The following ARHGEF11 variants were observed in gnomAD, a reference collection of about 807,000 sequenced individuals.
ARHGEF11 encodes the protein Rho guanine exchange factor (GEF) 11.
In ARHGEF11, 55 loss-of-function variants were observed where a neutral mutation model predicts 193.7. The observed-to-expected ratio is 0.28, with a 90% CI of 0.23 to 0.36. ARHGEF11 has a LOEUF of 0.36. Among genes scored for constraint, ARHGEF11 ranks in the 10% least tolerant of loss-of-function variants. ARHGEF11 has a pLI of 1.00. For synonymous variants in ARHGEF11, 693 were observed against 768.0 expected, an observed-to-expected ratio of 0.90 and a Z score of 1.62; for missense variants, 1,723 against 2,005.6, an observed-to-expected ratio of 0.86 and a Z score of 2.69.
In ARHGEF11 at chr1:156,961,608, T is replaced by C. The variant is rs1571259044; in HGVS notation, c.1239+69A>G. ...CTCTGTTTGGCCTGGATGTTTTGCT[T>C]AATTTTCCCTGCCTCTGAGTAGTTC... On this transcript the variant is annotated intron_variant, in intron 14 of 40. Coordinates refer to ENST00000368194, the MANE Select transcript of ARHGEF11 (RefSeq NM_198236.3). 6.3e-6 allele frequency: 9 copies of C among 1,424,018 alleles called. No homozygotes were observed. In the East Asian group the frequency reaches 2.1e-4, roughly 33 times the overall value. The allele number at this position is 1,424,018 out of a possible 1,614,324, so 88.2% of individuals were successfully genotyped here. A position where few individuals can be genotyped will look rare whatever the true frequency, so the allele number is the denominator to read the frequency against.
rs1658423055 is a variant in ARHGEF11, at chr1:156,947,813, G to A, written c.2297C>T (p.Ala766Val). Residue 766 changes from alanine to valine, a missense_variant, in exon 25 of 41, where the codon GCT (alanine) becomes GTT (valine). Coordinates refer to ENST00000368194, the MANE Select transcript of ARHGEF11 (RefSeq NM_198236.3). ...GTCAATCTCCCGCTGGGTTAGCCCA[G>A]CCACCACATCCTTGCCCACTGTATG... ...WQHTVGKDVV[A>V]GLTQREIDRQ... The A allele has an allele frequency of 3.1e-6, 5 of 1,613,750 alleles. No homozygotes were observed. The highest frequency in any genetic ancestry group is 1.3e-5 in the African/African-American group (1 of 74,930).
At chr1:156,991,157 G>T (rs938458280) in intron 1 of ARHGEF11, among the ~76,000 whole-genome samples, 2 of 152,188 alleles carry the variant, frequency 1.3e-5, no homozygotes, top group African/African-American at 4.8e-5. Context: ...TATTCAATAT[G>T]CAGAAAAGAT....
intron 1 of ARHGEF11, among the ~76,000 whole-genome samples, chr1:157,032,704 C>A (rs1013067799): frequency 6.6e-6 from 1 of 152,136 alleles, no homozygotes; most frequent in African/African-American, 2.4e-5. Context: ...TTCTTCACCT[C>A]CTATTCTCAC....
In ARHGEF11 at chr1:156,941,857, A is replaced by C. The variant is rs531713422; in HGVS notation, c.3452+7T>G. ...GAGTGCAGGGTCTGGAGGGCTAAGC[A>C]CTGCACCTGCTGGGTGTGGGGCCCT... On this transcript the variant is annotated splice_region_variant and intron_variant, in intron 34 of 40. Coordinates refer to ENST00000368194, the MANE Select transcript of ARHGEF11 (RefSeq NM_198236.3). 6.2e-7 allele frequency: 1 copy of C among 1,605,946 alleles called. No individual in the cohort carries two copies. Among genetic ancestry groups the C allele is most frequent in the African/African-American group, 1.3e-5 (1 of 74,974 alleles).
At chr1:156,955,921 G>C (rs1571231223) in intron 19 of ARHGEF11, 122 bp from the exon 20 acceptor site, 2 of 771,702 alleles carry the variant, frequency 2.6e-6, no homozygotes, top group Non-Finnish European at 4.6e-6. Flanking sequence ...GCTGACTCTT[G>C]CTGGTACCCT....
intron 1 of ARHGEF11, among the ~76,000 whole-genome samples, chr1:157,025,264 T>G (rs1234771318): frequency 6.6e-6 from 1 of 152,198 alleles, no homozygotes; most frequent in East Asian, 1.9e-4. Context: ...TTCTTAGGTC[T>G]TTTGCAGGTG....
intron 13 of ARHGEF11, 56 bp downstream of exon 13, chr1:156,963,147 G>A (rs1329073480): frequency 1.5e-6 from 2 of 1,360,804 alleles, no homozygotes; most frequent in Admixed American, 1.7e-5. Context: ...GAGGCTAGAG[G>A]TCCTCTCTGC....
intron 37 of ARHGEF11, 141 bp downstream of exon 37, chr1:156,939,387 CCTGCCTGATATCGGCGTTGT>C: frequency 1.0e-6 from 1 of 964,288 alleles, no homozygotes; most frequent in Non-Finnish European, 1.5e-6. Flanking sequence ...AACTCCAAAG[CCTGCCTGATATCGGCGTTGT>C]CTCCTTCTTC....
intron 1 of ARHGEF11, among the ~76,000 whole-genome samples, chr1:157,002,138 A>T (rs1240642418): frequency 6.6e-6 from 1 of 152,194 alleles, no homozygotes; most frequent in East Asian, 1.9e-4. Context: ...GACACATATA[A>T]TGATTCTATC....
intron 1 of ARHGEF11, among the ~76,000 whole-genome samples, chr1:157,039,001 C>T (rs1475389517): frequency 6.6e-6 from 1 of 152,152 alleles, no homozygotes; most frequent in Non-Finnish European, 1.5e-5. Context: ...GCCTGGGCGA[C>T]AGAGTGAGAC....
chr1:156,940,250 G>A lies in ARHGEF11; in HGVS notation c.3690C>T (p.Gly1230=). The A allele has an allele frequency of 1.9e-6, 3 of 1,609,046 alleles. No homozygotes were observed. The highest frequency in any genetic ancestry group is 2.5e-6 in the Non-Finnish European group (3 of 1,176,490). The change falls in exon 36 of 41, where the codon GGC becomes GGT. Residue 1230 remains glycine (G), a synonymous_variant. Coordinates refer to ENST00000368194, the MANE Select transcript of ARHGEF11 (RefSeq NM_198236.3). ...CAGCGAGCCCTTCCATGAACAGAGG[G>A]CCTGGGAAGGCCAAGTGGATGGGGT... ...TRNPIHLAFP[G]PLFMEGLADS...
At chr1:156,941,220 T>C in intron 35 of ARHGEF11, 152 bp downstream of exon 35, 1 of 668,766 alleles carries the variant, frequency 1.5e-6, no homozygotes, top group African/African-American at 1.8e-5. Context: ...TCTTCCAGAC[T>C]CTTCCTCCCG....
chr1:156,956,978 G>C (rs1660047613), intron 18 of ARHGEF11, among the ~76,000 whole-genome samples: 1 of 152,148 alleles, frequency 6.6e-6, no homozygotes, highest in East Asian at 1.9e-4. Flanking sequence ...GTGCAGGGGT[G>C]GGGAGGCCAG....
At chr1:157,030,771 C>G (rs1462331360) in intron 1 of ARHGEF11, among the ~76,000 whole-genome samples, 1 of 152,120 alleles carries the variant, frequency 6.6e-6, no homozygotes, top group Admixed American at 6.5e-5. Flanking sequence ...GCTTCCCTAT[C>G]TATAAAATGG....
At chr1:156,943,872 A>G in intron 32 of ARHGEF11, 63 bp downstream of exon 32, 1 of 1,553,214 alleles carries the variant, frequency 6.4e-7, no homozygotes, top group Non-Finnish European at 8.7e-7. Flanking sequence ...GCCCTGCCTC[A>G]CCCAGCACTT....
chr1:156,971,099 A>AC (rs2102304708), intron 8 of ARHGEF11, among the ~76,000 whole-genome samples: 2 of 152,294 alleles, frequency 1.3e-5, no homozygotes, highest in South Asian at 4.2e-4. Context: ...CTTCTTATTT[A>AC]CCCCAAGAAT....
chr1:156,958,950 T>C, intron 16 of ARHGEF11, 86 bp from the exon 17 acceptor site: 18 of 1,608,326 alleles, frequency 1.1e-5, no homozygotes, highest in Non-Finnish European at 1.4e-5. Flanking sequence ...CAAACACATA[T>C]AACAAGAGAT....
Position 156,936,914 on chromosome 1 carries a change from G to T in ARHGEF11, c.4532C>A (p.Ala1511Glu), listed in dbSNP as rs377284095. The T allele has an allele frequency of 6.2e-7, 1 of 1,614,118 alleles. No homozygotes were observed. The highest frequency in any genetic ancestry group is 8.5e-7 in the Non-Finnish European group (1 of 1,180,016). ...GAGGGAGCCATCTGTCCATCTAGCT[G>T]CTTCTGTGTGGAAACTGCCCACAGG... ...TTPVGSFHTE[A>E]ARWTDGSLSP... Residue 1511 changes from alanine to glutamate, a missense_variant, in exon 40 of 41, where the codon GCA (alanine) becomes GAA (glutamate). Ala to Glu is a moderately radical substitution (Grantham distance 107). Coordinates refer to ENST00000368194, the MANE Select transcript of ARHGEF11 (RefSeq NM_198236.3).
chr1:156,973,015 A>G (rs1662720077), intron 7 of ARHGEF11, among the ~76,000 whole-genome samples: 1 of 152,010 alleles, frequency 6.6e-6, no homozygotes, highest in Non-Finnish European at 1.5e-5. Flanking sequence ...CCACTGCCCC[A>G]TTTGTTTCCC....
Sources: allele counts gnomAD v4.1 joint callset (sites outside exome capture counted in the v4.1 genomes callset), GRCh38; gene constraint gnomAD v4.1.1; transcripts MANE v1.5; gene names NCBI Gene and HGNC (gene_info 2026-07-23, HGNC 2026-07-21).